The following TMCC2 variants were observed in gnomAD, a reference collection of about 807,000 sequenced individuals.
The protein encoded by TMCC2 is transmembrane and coiled-coil domain family 2, also known as transmembrane and coiled-coil domains protein 2.
TMCC2 carries 16 observed loss-of-function variants against 49.4 expected under a neutral mutation model. The ratio of observed to expected loss-of-function variants is 0.32; its 90% CI spans 0.22 to 0.49. TMCC2 has a LOEUF of 0.49. Ranked by LOEUF, TMCC2 falls within the 20% of genes least tolerant of loss-of-function variation. The pLI is 0.99. For missense variants in TMCC2, 762 were observed against 989.8 expected (o/e 0.77, Z 3.09); for synonymous variants, 397 against 434.1 (o/e 0.91, Z 1.06).
rs192347755 is a variant in TMCC2 at position 205,237,628 on chromosome 1, C to T, written c.208-3877C>T. Among the ~76,000 whole-genome samples the T allele has an allele frequency of 1.6e-4, 24 of 152,340 alleles. 1 individual carries two copies. The East Asian group carries it at 4.4e-3, about 28-fold the overall frequency. On this transcript the variant is annotated intron_variant, in intron 1 of 4. Coordinates refer to ENST00000358024, the MANE Select transcript of TMCC2 (RefSeq NM_014858.4). ...GTGCCAATGACACTGTACCCCAAGGCATTTTAGTTTTGTATTCATGCAGCT... is the reference window on the plus strand; with the variant it reads ...GTGCCAATGACACTGTACCCCAAGGTATTTTAGTTTTGTATTCATGCAGCT...
intron 2 of TMCC2, among the ~76,000 whole-genome samples, chr1:205,263,966 T>G (rs534061756): frequency 3.3e-5 from 5 of 152,254 alleles, no homozygotes; most frequent in African/African-American, 1.2e-4. Flanking sequence ...AGTGGTGTAG[T>G]CCTGGGCAAG....
chr1:205,228,761 C>T lies in TMCC2; in HGVS notation c.197C>T (p.Pro66Leu), dbSNP rs746202422. 3 of 1,605,264 alleles carry T rather than the reference C, an allele frequency of 1.9e-6. No individual in the cohort carries two copies. The highest frequency in any genetic ancestry group is 2.5e-6 in the Non-Finnish European group (3 of 1,176,916). ...APNPGPRSKP[P>L]DLKKIQQLSE... ...AACCCAGGTCCCCGAAGCAAGCCTC[C>T]TGATTTAAAGGTGAGCGCAGACCAT... Residue 66 changes from proline (P) to leucine (L), a missense_variant, in exon 1 of 5, where the codon CCT becomes CTT. Coordinates refer to ENST00000358024, the MANE Select transcript of TMCC2 (RefSeq NM_014858.4).
intron 2 of TMCC2, chr1:205,256,194 C>G: frequency 6.9e-7 from 1 of 1,456,906 alleles, no homozygotes; most frequent in Non-Finnish European, 9.0e-7. Context: ...AGTTCCTCAC[C>G]AGACTCAAGT....
rs536621931 is a variant in TMCC2, at chr1:205,228,701, G to A, written c.137G>A (p.Gly46Glu). The A allele has an allele frequency of 6.2e-7, 1 of 1,612,288 alleles. No homozygotes were observed. The highest frequency in any genetic ancestry group is 1.1e-5 in the South Asian group (1 of 91,026). The change falls in exon 1 of 5, where the codon GGG (glycine) becomes GAG (glutamate). Residue 46 changes from glycine to glutamate, a missense_variant. By Grantham distance (98) the Gly-to-Glu change is moderately conservative. This residue lies in a region of TMCC2 where 322 missense variants were observed against 353.1 expected (regional missense o/e 0.91). Coordinates refer to ENST00000358024, the MANE Select transcript of TMCC2 (RefSeq NM_014858.4). ...GETTGANSAGGPTSDAGAAAA... is the reference protein window; with the variant it reads ...GETTGANSAGEPTSDAGAAAA... ...ACCACGGGTGCTAACTCTGCTGGCG[G>A]GCCAACTTCAGACGCCGGCGCTGCC... is the stretch of plus-strand genomic sequence containing the variant.
intron 2 of TMCC2, among the ~76,000 whole-genome samples, chr1:205,253,850 A>G (rs1660761069): frequency 6.6e-6 from 1 of 152,232 alleles, no homozygotes; most frequent in Non-Finnish European, 1.5e-5. Context: ...ACATACATCC[A>G]TGGTGAGGGA....
chr1:205,230,964 T>C (rs903950600), intron 1 of TMCC2, among the ~76,000 whole-genome samples: 3 of 132,432 alleles, frequency 2.3e-5, no homozygotes, highest in African/African-American at 7.9e-5. Context: ...AGGCTTCCCC[T>C]TACCCCGCGC....
intron 2 of TMCC2, chr1:205,257,499 G>C: frequency 1.0e-6 from 1 of 979,750 alleles, no homozygotes; most frequent in African/African-American, 1.7e-5. Context: ...CTCTCCTCCA[G>C]GTATAGAGAA....
At position 205,272,073 on chromosome 1, in the gene TMCC2, G is replaced by A. The variant is rs1661623319; in HGVS notation, c.2079G>A (p.Lys693=). 5 of 1,613,984 alleles carry A rather than the reference G, an allele frequency of 3.1e-6. No homozygotes were observed. Among genetic ancestry groups the A allele is most frequent in the South Asian group, 1.1e-5 (1 of 91,088 alleles). The change falls in exon 5 of 5, where the codon AAG becomes AAA. Residue 693 remains lysine (K), a synonymous_variant. Coordinates refer to ENST00000358024, the MANE Select transcript of TMCC2 (RefSeq NM_014858.4). ...LLVLVLFLLW[K]HWDSLTYLLE... ...TCCTCGTCCTGTTCCTCCTCTGGAA[G>A]CACTGGGACTCCCTCACCTACCTCC...
At chr1:205,261,196 C>CTTTT (rs34247734) in intron 2 of TMCC2, among the ~76,000 whole-genome samples, 1 of 95,270 alleles carries the variant, frequency 1.0e-5, no homozygotes. Flanking sequence ...CACTTATTTC[C>CTTTT]TTTTTTTTTT....
At chr1:205,247,789 C>A (rs1389163082) in intron 2 of TMCC2, among the ~76,000 whole-genome samples, 1 of 149,792 alleles carries the variant, frequency 6.7e-6, no homozygotes, top group Non-Finnish European at 1.5e-5. Flanking sequence ...GTTTAGAACT[C>A]ACCAGCTGGC....
chr1:205,269,982 G>A lies in TMCC2; in HGVS notation c.1682+98G>A, dbSNP rs569314697. 6 of 1,192,872 alleles carry A rather than the reference G, an allele frequency of 5.0e-6. No homozygotes were observed. In the East Asian group the frequency reaches 1.2e-4, roughly 24 times the overall value. The allele number at this position is 1,192,872 out of a possible 1,614,324, so 73.9% of individuals were successfully genotyped here. ...CCAGGGTGTGGAGGCAGTCAGAGGA[G>A]CATCCTCAGCCTCCTGGCTGCTGGA... is the stretch of plus-strand genomic sequence containing the variant. On this transcript the variant is annotated intron_variant, in intron 3 of 4. Transcript: ENST00000358024.
chr1:205,267,781 G>A (rs1661404431), intron 2 of TMCC2: 9 of 691,892 alleles, frequency 1.3e-5, no homozygotes, highest in Non-Finnish European at 1.6e-5. Context: ...TGATGCACTC[G>A]GGAAGCCTGC....
Position 205,272,323 on chromosome 1 carries a change from C to G in TMCC2, c.*199C>G. 8.9e-7 allele frequency: 1 copy of G among 1,127,840 alleles called. No homozygotes were observed. The highest frequency in any genetic ancestry group is 1.2e-6 in the Non-Finnish European group (1 of 821,554). The allele number at this position is 1,127,840 out of a possible 1,614,324, so 69.9% of individuals were successfully genotyped here. On this transcript the variant is annotated 3_prime_UTR_variant, in exon 5 of 5. Transcript: ENST00000358024. Reference sequence around the variant, plus strand: ...GCCTGAAGGGAGCTTAGAATGCAGCCCTACCTGGAGATAGTGCGGGCACCT... The same window carrying G: ...GCCTGAAGGGAGCTTAGAATGCAGCGCTACCTGGAGATAGTGCGGGCACCT...
Position 205,241,879 on chromosome 1 carries a change from C to A in TMCC2, c.582C>A (p.Ser194Arg). 6.2e-7 allele frequency: 1 copy of A among 1,605,794 alleles called. No homozygotes were observed. Reference protein sequence around the residue: ...KSSSLEPQRGSPHLLRKAPQD... With the variant: ...KSSSLEPQRGRPHLLRKAPQD... ...GCTCCCTGGAGCCCCAGCGTGGCAGCCCTCACCTGCTGCGCAAGGCCCCCC... is the reference window on the plus strand; with the variant it reads ...GCTCCCTGGAGCCCCAGCGTGGCAGACCTCACCTGCTGCGCAAGGCCCCCC... Residue 194 changes from serine to arginine, a missense_variant, in exon 2 of 5, where the codon AGC becomes AGA. Coordinates refer to ENST00000358024, the MANE Select transcript of TMCC2 (RefSeq NM_014858.4). This position sits in a 1 kb window ranked among gnomAD's most constrained non-coding sequence, Gnocchi z 7.3.
intron 2 of TMCC2, chr1:205,256,141 C>T (rs1660861915): frequency 1.5e-6 from 2 of 1,299,398 alleles, no homozygotes; most frequent in South Asian, 1.6e-5. Context: ...TTGGGACTAC[C>T]CAATCAACGT....
chr1:205,241,548 T>C lies in TMCC2; in HGVS notation c.251T>C (p.Leu84Pro). The C allele has an allele frequency of 6.2e-7, 1 of 1,613,754 alleles. No homozygotes were observed. The highest frequency in any genetic ancestry group is 8.5e-7 in the Non-Finnish European group (1 of 1,180,010). ...LSEGSMFGHG[L>P]KHLFHSRRRS... Reference sequence around the variant, plus strand: ...GAGGGCTCCATGTTTGGCCACGGTCTGAAGCACCTGTTCCACAGCCGCCGT... The same window carrying C: ...GAGGGCTCCATGTTTGGCCACGGTCCGAAGCACCTGTTCCACAGCCGCCGT... The change falls in exon 2 of 5, where the codon CTG (leucine) becomes CCG (proline). Residue 84 changes from leucine (L) to proline (P), a missense_variant. Transcript: ENST00000358024. This position sits in a 1 kb window ranked among gnomAD's most constrained non-coding sequence, Gnocchi z 7.3.
Position 205,269,064 on chromosome 1 carries a change from G to A in TMCC2, c.862G>A (p.Ala288Thr), listed in dbSNP as rs747797293. ...ACCGGACCCCCAGCGGACCAAGGCCGCCATTGACCACCTGCACCAGAAGAT... is the reference window on the plus strand; with the variant it reads ...ACCGGACCCCCAGCGGACCAAGGCCACCATTGACCACCTGCACCAGAAGAT... The part of the protein sequence containing the change: ...GAPDPQRTKA[A>T]IDHLHQKILK... The change falls in exon 3 of 5, where the codon GCC (alanine) becomes ACC (threonine). Residue 288 changes from alanine (A) to threonine (T), a missense_variant. Ala to Thr is a moderately conservative substitution (Grantham distance 58). This residue lies in a region of TMCC2 where 440 missense variants were observed against 636.7 expected (regional missense o/e 0.69). Coordinates refer to ENST00000358024, the MANE Select transcript of TMCC2 (RefSeq NM_014858.4). 8 of 1,613,756 alleles carry A rather than the reference G, an allele frequency of 5.0e-6. No individual in the cohort carries two copies. Among genetic ancestry groups the A allele is most frequent in the South Asian group, 1.1e-5 (1 of 91,086 alleles).
rs117158916 is a variant in TMCC2, at chr1:205,267,834, G to A, written c.748-1116G>A. 1.7e-4 allele frequency: 167 copies of A among 974,080 alleles called. 2 individuals are homozygous for A. The East Asian group carries it at 8.9e-3, about 52-fold the overall frequency. The allele number at this position is 974,080 out of a possible 1,614,324, so 60.3% of individuals were successfully genotyped here. A position where few individuals can be genotyped will look rare whatever the true frequency, so the allele number is the denominator to read the frequency against. On this transcript the variant is annotated intron_variant, in intron 2 of 4. Coordinates refer to ENST00000358024, the MANE Select transcript of TMCC2 (RefSeq NM_014858.4). ...AAGGGGGCTGTCATTTCCTTCCTAC[G>A]CATTCACCCTCTGCAAAGCTGGGCG...
At chr1:205,271,543 A>G (rs1574874787) in intron 4 of TMCC2, among the ~76,000 whole-genome samples, 1 of 152,238 alleles carries the variant, frequency 6.6e-6, no homozygotes, top group South Asian at 2.1e-4. Context: ...TGGAGTTTCC[A>G]GGCTCCAGCC....
Sources: gnomAD v4.1 joint callset for allele counts (sites outside exome capture counted in the v4.1 genomes callset) on GRCh38, gnomAD v4.1.1 for gene constraint, gnomAD v4.1.1 regional missense constraint, Gnocchi (gnomAD v3.1) non-coding constraint, MANE v1.5 for transcripts, NCBI Gene and HGNC (gene_info 2026-07-23, HGNC 2026-07-21) for gene names.